The following SH3KBP1 variants were observed in gnomAD, a reference collection of about 807,000 sequenced individuals.
The protein encoded by SH3KBP1 is SH3 domain-containing kinase-binding protein 1.
A neutral mutation model predicts 50.1 loss-of-function variants in SH3KBP1; 8 were observed. The ratio of observed to expected loss-of-function variants is 0.16; its 90% CI spans 0.09 to 0.29. The LOEUF (loss-of-function observed/expected upper bound fraction) is 0.29. Ranked by LOEUF, SH3KBP1 falls within the 10% of genes least tolerant of loss-of-function variation. The pLI is 1.00. For synonymous variants in SH3KBP1, 227 were observed against 218.6 expected, an observed-to-expected ratio of 1.04 and a Z score of -0.34; for missense variants, 377 against 535.2, an observed-to-expected ratio of 0.70 and a Z score of 2.92.
chrX:19,829,981 T>C (rs1051099722), intron 2 of SH3KBP1, among the ~76,000 whole-genome samples: 3 of 111,331 alleles, frequency 2.7e-5, no homozygotes, highest in African/African-American at 9.8e-5. Context: ...TCAACTGTCA[T>C]GGCACCGTTG....
chrX:19,581,048 C>T (rs1238414839), intron 12 of SH3KBP1, among the ~76,000 whole-genome samples: 2 of 111,466 alleles, frequency 1.8e-5, no homozygotes. Context: ...AACTCCCAGG[C>T]TCAAGTGATC....
intron 2 of SH3KBP1, among the ~76,000 whole-genome samples, chrX:19,829,458 A>C (rs1335471832): frequency 9.1e-6 from 1 of 109,842 alleles, no homozygotes; most frequent in Non-Finnish European, 1.9e-5. Context: ...TTTATTAAGA[A>C]AGTAAAGGGG....
intron 5 of SH3KBP1, among the ~76,000 whole-genome samples, chrX:19,692,408 T>A (rs963782593): frequency 1.2e-4 from 13 of 110,552 alleles, no homozygotes; most frequent in Middle Eastern, 4.7e-3. Context: ...CTACCATGTG[T>A]CAAGCAGTCT....
chrX:19,770,748 T>C (rs754097495), intron 2 of SH3KBP1, among the ~76,000 whole-genome samples: 1 of 110,003 alleles, frequency 9.1e-6, no homozygotes, highest in Admixed American at 9.7e-5. Context: ...TTCTGACTGG[T>C]GTGAGATGGT....
intron 2 of SH3KBP1, among the ~76,000 whole-genome samples, chrX:19,770,199 C>G (rs1351713118): frequency 9.0e-6 from 1 of 111,528 alleles, no homozygotes; most frequent in East Asian, 2.8e-4. Context: ...TCCCTCCTTC[C>G]ACCCTCTACC....
intron 6 of SH3KBP1, among the ~76,000 whole-genome samples, chrX:19,680,812 T>G (rs1245335690): frequency 8.9e-6 from 1 of 111,832 alleles, no homozygotes; most frequent in Non-Finnish European, 1.9e-5. Context: ...TTTCAAATCC[T>G]CTTAGATGTT....
Position 19,542,060 on chromosome X carries a change from T to C in SH3KBP1, c.1757A>G (p.Asn586Ser), listed in dbSNP as rs2064926837. 8.3e-7 allele frequency: 1 copy of C among 1,210,909 alleles called. No individual in the cohort carries two copies. Among genetic ancestry groups the C allele is most frequent in the East Asian group, 3.0e-5 (1 of 33,788 alleles). The change falls in exon 16 of 18, where the codon AAC becomes AGC. Residue 586 changes from asparagine to serine, a missense_variant. Around this residue, in one of 3 missense-constraint regions of SH3KBP1, gnomAD observed 110 missense variants for 124.1 expected, o/e 0.89. Coordinates refer to ENST00000397821, the MANE Select transcript of SH3KBP1 (RefSeq NM_031892.3). ...TTCCGTGCCGAACAGAGACGGGGAG[T>C]TGGCTCTGTGTCCAGCTGTTCCCAA... is the stretch of plus-strand genomic sequence containing the variant. ...SSLGTAGHRA[N>S]SPSLFGTEGK...
intron 1 of SH3KBP1, among the ~76,000 whole-genome samples, chrX:19,846,742 C>G (rs1430132984): frequency 2.7e-5 from 3 of 111,635 alleles, no homozygotes; most frequent in Non-Finnish European, 5.6e-5. Flanking sequence ...TCCCCACCCC[C>G]CAACACCCTC....
At chrX:19,613,978 C>T (rs1441141406) in intron 8 of SH3KBP1, among the ~76,000 whole-genome samples, 1 of 112,884 alleles carries the variant, frequency 8.9e-6, no homozygotes, top group Non-Finnish European at 1.9e-5. Context: ...ATTATATGGC[C>T]TGGTCCGAAT....
At chrX:19,761,948 G>A (rs990989871) in intron 2 of SH3KBP1, among the ~76,000 whole-genome samples, 5 of 112,671 alleles carry the variant, frequency 4.4e-5, no homozygotes, top group Non-Finnish European at 9.4e-5. Flanking sequence ...TCAGAGCTTT[G>A]CCCCTCTTCC....
At chrX:19,542,271 C>A in intron 15 of SH3KBP1, 78 bp from the exon 16 acceptor site, 2 of 939,974 alleles carry the variant, frequency 2.1e-6, no homozygotes, top group Non-Finnish European at 2.8e-6. Flanking sequence ...GTCAAACTCT[C>A]CGTTAACACC....
At chrX:19,550,420 A>G (rs915493370) in intron 13 of SH3KBP1, among the ~76,000 whole-genome samples, 2 of 111,541 alleles carry the variant, frequency 1.8e-5, no homozygotes, top group African/African-American at 6.5e-5. Context: ...AGTCCATTTT[A>G]GTAGACAGAA....
At chrX:19,572,598 C>T (rs774669615) in intron 12 of SH3KBP1, among the ~76,000 whole-genome samples, 107 of 109,289 alleles carry the variant, frequency 9.8e-4, no homozygotes, top group African/African-American at 3.5e-3. Flanking sequence ...CTCATTCTGT[C>T]GCCCAGGCTG....
intron 4 of SH3KBP1, among the ~76,000 whole-genome samples, chrX:19,699,507 A>T (rs1227507975): frequency 1.8e-5 from 2 of 112,053 alleles, no homozygotes; most frequent in African/African-American, 6.5e-5. Context: ...TGCCTCTTCT[A>T]GAACTTCACA....
intron 8 of SH3KBP1, among the ~76,000 whole-genome samples, chrX:19,631,485 A>T (rs1251350997): frequency 9.2e-6 from 1 of 108,796 alleles, no homozygotes; most frequent in Non-Finnish European, 1.9e-5. Flanking sequence ...TCTGCCTGTG[A>T]GGCATGACCA....
rs2068049116 is a variant in SH3KBP1 at position 19,836,054 on chromosome X, A to T, written c.162+71T>A. The T allele has an allele frequency of 5.9e-6, 6 of 1,010,815 alleles. No individual in the cohort carries two copies. In the African/African-American group the frequency reaches 1.1e-4, roughly 19 times the overall value. 83.3% of individuals were successfully genotyped at this position (1,010,815 alleles called of 1,213,427 possible). The stretch of plus-strand genomic sequence containing the variant: ...AAGAGAGTTCATGCAATTCATCCTC[A>T]AGCGCCCCCATAGACTTTGGTCAGC... On this transcript the variant is annotated intron_variant, in intron 2 of 17. Transcript: ENST00000397821.
At chrX:19,797,483 G>A (rs1413629911) in intron 2 of SH3KBP1, among the ~76,000 whole-genome samples, 3 of 112,003 alleles carry the variant, frequency 2.7e-5, no homozygotes, top group South Asian at 3.7e-4. Context: ...CAGACCATAC[G>A]AGGCCCAGTA....
chrX:19,564,966 C>T (rs1000755790), intron 13 of SH3KBP1, among the ~76,000 whole-genome samples: 2 of 109,384 alleles, frequency 1.8e-5, no homozygotes, highest in African/African-American at 3.4e-5. Flanking sequence ...TGCCAAATGT[C>T]CCCTTGGGGA....
At chrX:19,546,778 A>G (rs2065095741) in intron 14 of SH3KBP1, among the ~76,000 whole-genome samples, 1 of 111,973 alleles carries the variant, frequency 8.9e-6, no homozygotes, top group Non-Finnish European at 1.9e-5. Flanking sequence ...GTATATTTAC[A>G]GAATGGCAGC....
Sources: gnomAD v4.1 joint callset for allele counts (sites outside exome capture counted in the v4.1 genomes callset) on GRCh38, gnomAD v4.1.1 for gene constraint, gnomAD v4.1.1 regional missense constraint, MANE v1.5 for transcripts, NCBI Gene and HGNC (gene_info 2026-07-23, HGNC 2026-07-21) for gene names.